PLXDC2: variants seen among roughly 807,000 people sequenced by gnomAD.
PLXDC2 encodes the protein plexin domain containing 2, also known as plexin domain-containing protein 2.
PLXDC2 carries 40 observed loss-of-function variants against 68.9 expected under a neutral mutation model. That is an observed-to-expected ratio of 0.58 (90% CI 0.45 to 0.76). The LOEUF is 0.76. Ranked by LOEUF, PLXDC2 falls within the 30% of genes least tolerant of loss-of-function variation. PLXDC2 has a pLI of 0.00. For missense variants in PLXDC2, 644 were observed against 661.9 expected (o/e 0.97, Z 0.30); for synonymous variants, 243 against 234.2 (o/e 1.04, Z -0.34).
At chr10:20,124,374 A>T (rs915255576) in intron 4 of PLXDC2, among the ~76,000 whole-genome samples, 2 of 152,136 alleles carry the variant, frequency 1.3e-5, no homozygotes, top group Non-Finnish European at 2.9e-5. Flanking sequence ...GAGAGTAAGA[A>T]GAGGCCGCTC....
intron 1 of PLXDC2, among the ~76,000 whole-genome samples, chr10:19,977,611 C>G (rs1204315574): frequency 6.6e-6 from 1 of 152,152 alleles, no homozygotes; most frequent in Non-Finnish European, 1.5e-5. Flanking sequence ...AAACAATATA[C>G]ATTTATTTCT....
chr10:20,107,708 A>G lies in PLXDC2; in HGVS notation c.542-35587A>G, dbSNP rs1833509954. On this transcript the variant is annotated intron_variant, in intron 4 of 13. Transcript: ENST00000377252. The stretch of plus-strand genomic sequence containing the variant: ...ACGAATGTCAATGTAGAAAAGAGGT[A>G]TTCAATTTGGAGGTTTTTGAGTATT... 2.6e-5 allele frequency among the ~76,000 whole-genome samples: 4 copies of G among 152,168 alleles called. 1 individual carries two copies. In the South Asian group the frequency reaches 8.3e-4, roughly 31 times the overall value.
At chr10:19,844,752 C>T (rs1336083111) in intron 1 of PLXDC2, among the ~76,000 whole-genome samples, 5 of 152,054 alleles carry the variant, frequency 3.3e-5, no homozygotes, top group African/African-American at 9.7e-5. Context: ...CGCATCACTA[C>T]ACCTGGCTAA....
intron 1 of PLXDC2, among the ~76,000 whole-genome samples, chr10:19,917,088 T>C (rs1163182943): frequency 1.3e-5 from 2 of 152,222 alleles, no homozygotes; most frequent in Admixed American, 6.5e-5. Context: ...ATTGACAATA[T>C]CTCAACTCTT....
chr10:19,879,086 C>A (rs994694643), intron 1 of PLXDC2, among the ~76,000 whole-genome samples: 2 of 152,144 alleles, frequency 1.3e-5, no homozygotes, highest in Non-Finnish European at 2.9e-5. Context: ...GCCAGTGAAT[C>A]ATTGCAGAAT....
Position 20,211,663 on chromosome 10 carries a change from T to C in PLXDC2, c.1062-6T>C, listed in dbSNP as rs16920092. On this transcript the variant is annotated splice_polypyrimidine_tract_variant and splice_region_variant and intron_variant, in intron 9 of 13. Coordinates refer to ENST00000377252, the MANE Select transcript of PLXDC2 (RefSeq NM_032812.9). The stretch of plus-strand genomic sequence containing the variant: ...TTTCTGAACTGCATTGTGGTCTTCT[T>C]TGAAGATGTTCCAGTGGATTTGATC... 0.16 allele frequency: 259,877 copies of C among 1,612,050 alleles called. 25,489 individuals are homozygous for C. The highest frequency in any genetic ancestry group is 0.42 in the East Asian group (18,803 of 44,754).
At chr10:20,121,359 G>A (rs1455053691) in intron 4 of PLXDC2, among the ~76,000 whole-genome samples, 1 of 152,200 alleles carries the variant, frequency 6.6e-6, no homozygotes, top group Non-Finnish European at 1.5e-5. Context: ...CACTAACCAT[G>A]CCTAGGAAGG....
intron 9 of PLXDC2, among the ~76,000 whole-genome samples, chr10:20,210,406 A>G (rs180752530): frequency 8.5e-4 from 129 of 152,296 alleles, no homozygotes; most frequent in African/African-American, 1.9e-3. Flanking sequence ...AGGAGCGACT[A>G]TGGTAGCAAT....
At chr10:20,051,398 AT>A (rs1402641560) in intron 3 of PLXDC2, among the ~76,000 whole-genome samples, 2 of 1,530 alleles carry the variant, frequency 1.3e-3, no homozygotes, top group Non-Finnish European at 2.3e-3. Flanking sequence ...AAGGTTAAAT[AT>A]ATATATATAT....
Position 20,288,865 on chromosome 10 carries a change from G to A in PLXDC2, c.*9046G>A, listed in dbSNP as rs1836194016. On this transcript the variant is annotated 3_prime_UTR_variant, in exon 14 of 14. Coordinates refer to ENST00000377252, the MANE Select transcript of PLXDC2 (RefSeq NM_032812.9). Reference sequence around the variant, plus strand: ...TATCTTTAAAGGTGTGGAAGCTGGTGGGGACCAAATGTTACCTGTGTTTTT... The same window carrying A: ...TATCTTTAAAGGTGTGGAAGCTGGTAGGGACCAAATGTTACCTGTGTTTTT... The A allele has an allele frequency of 6.6e-6, 1 of 152,032 alleles. No individual in the cohort carries two copies. The highest frequency in any genetic ancestry group is 6.5e-5 in the Admixed American group (1 of 15,274). The allele number at this position is 152,032 out of a possible 1,614,324, so 9.4% of individuals were successfully genotyped here.
chr10:20,242,754 A>G (rs1310113824), intron 12 of PLXDC2, among the ~76,000 whole-genome samples: 1 of 152,172 alleles, frequency 6.6e-6, no homozygotes, highest in Non-Finnish European at 1.5e-5. Flanking sequence ...TCTGTCGCCC[A>G]GGCTGGAGTG....
chr10:20,147,989 A>G, intron 6 of PLXDC2, 87 bp downstream of exon 6: 2 of 900,090 alleles, frequency 2.2e-6, no homozygotes, highest in Non-Finnish European at 3.6e-6. Flanking sequence ...GACATTTTAC[A>G]GCCATGATCC....
intron 2 of PLXDC2, among the ~76,000 whole-genome samples, chr10:20,005,726 C>T (rs1288849319): frequency 2.0e-5 from 3 of 152,124 alleles, no homozygotes; most frequent in African/African-American, 7.2e-5. Context: ...CCTCAACGCA[C>T]TCATCACCAA....
chr10:20,009,326 A>G (rs527305926), intron 2 of PLXDC2, among the ~76,000 whole-genome samples: 33 of 152,194 alleles, frequency 2.2e-4, no homozygotes, highest in Non-Finnish European at 3.7e-4. Context: ...TTTGATATTG[A>G]ACAGTCCTTT....
intron 2 of PLXDC2, among the ~76,000 whole-genome samples, chr10:20,018,540 T>C (rs565428163): frequency 6.6e-6 from 1 of 152,326 alleles, no homozygotes; most frequent in Admixed American, 6.5e-5. Context: ...GAAATATTAG[T>C]TTTTGAAATT....
At chr10:19,974,609 T>TA (rs1834416949) in intron 1 of PLXDC2, among the ~76,000 whole-genome samples, 1 of 152,178 alleles carries the variant, frequency 6.6e-6, no homozygotes, top group Admixed American at 6.5e-5. Flanking sequence ...AGTATACAAT[T>TA]AGGGGACTTA....
intron 12 of PLXDC2, among the ~76,000 whole-genome samples, chr10:20,225,343 A>G (rs1835271436): frequency 6.6e-6 from 1 of 152,248 alleles, no homozygotes; most frequent in South Asian, 2.1e-4. Context: ...TCAAAGCAAC[A>G]TATCTTTCCC....
chr10:20,011,349 A>G (rs992884906), intron 2 of PLXDC2, among the ~76,000 whole-genome samples: 3 of 152,126 alleles, frequency 2.0e-5, no homozygotes, highest in Non-Finnish European at 2.9e-5. Context: ...CTGGGAGGGA[A>G]TTCTTTGCTC....
chr10:19,951,491 C>CA lies in PLXDC2; in HGVS notation c.113-50277dup, dbSNP rs550058681. The stretch of plus-strand genomic sequence containing the variant: ...TTCACAATGGACATTATTTAAAAGT[C>CA]AAAAAAACAACAGGTCGTGGCAAGG... On this transcript the variant is annotated intron_variant, in intron 1 of 13. Transcript: ENST00000377252. 1.5e-3 allele frequency among the ~76,000 whole-genome samples: 234 copies of CA among 151,868 alleles called. 3 individuals are homozygous for CA. In the South Asian group the frequency reaches 0.02, roughly 13 times the overall value.
Sources: allele counts gnomAD v4.1 joint callset (sites outside exome capture counted in the v4.1 genomes callset), GRCh38; gene constraint gnomAD v4.1.1; transcripts MANE v1.5; gene names NCBI Gene and HGNC (gene_info 2026-07-23, HGNC 2026-07-21).